GPR158: variants seen among roughly 807,000 people sequenced by gnomAD.
GPR158 encodes G protein-coupled receptor 158, also known as metabotropic glycine receptor.
A neutral mutation model predicts 78.2 loss-of-function variants in GPR158; 30 were observed. The observed-to-expected ratio is 0.38, with a 90% CI of 0.29 to 0.52. GPR158 has a LOEUF of 0.52. Ranked by LOEUF, GPR158 falls within the 20% of genes least tolerant of loss-of-function variation. GPR158 has a pLI of 0.83. For synonymous variants in GPR158, 581 were observed against 591.1 expected (o/e 0.98, Z 0.25); for missense variants, 1,463 against 1,523.5 (o/e 0.96, Z 0.66).
chr10:25,509,857 G>A (rs1445219009), intron 5 of GPR158, among the ~76,000 whole-genome samples: 3 of 152,178 alleles, frequency 2.0e-5, no homozygotes, highest in Non-Finnish European at 2.9e-5. Flanking sequence ...GGGACTATAA[G>A]TGTGTGCCAC....
At chr10:25,566,533 T>C (rs550573238) in intron 6 of GPR158, among the ~76,000 whole-genome samples, 1 of 152,258 alleles carries the variant, frequency 6.6e-6, no homozygotes, top group African/African-American at 2.4e-5. Context: ...TTATTCCGTC[T>C]ACCTTCAATT....
At chr10:25,401,589 A>G (rs1834446787) in intron 3 of GPR158, among the ~76,000 whole-genome samples, 1 of 152,078 alleles carries the variant, frequency 6.6e-6, no homozygotes, top group African/African-American at 2.4e-5. Context: ...AATTTATTAG[A>G]CTTTTCCTCT....
chr10:25,197,993 C>T (rs1203717502), intron 1 of GPR158, among the ~76,000 whole-genome samples: 1 of 152,020 alleles, frequency 6.6e-6, no homozygotes, highest in Non-Finnish European at 1.5e-5. Context: ...GAAGGAAAAC[C>T]ACAAAAATGA....
At chr10:25,187,235 G>T (rs1852701712) in intron 1 of GPR158, among the ~76,000 whole-genome samples, 1 of 151,166 alleles carries the variant, frequency 6.6e-6, no homozygotes, top group African/African-American at 2.4e-5. Flanking sequence ...AAAGTGCTGG[G>T]ATTACAGGCG....
At chr10:25,470,747 G>T (rs1835488548) in intron 5 of GPR158, among the ~76,000 whole-genome samples, 1 of 152,164 alleles carries the variant, frequency 6.6e-6, no homozygotes, top group Non-Finnish European at 1.5e-5. Flanking sequence ...CCCTAGGGCA[G>T]ATATTTAACC....
intron 6 of GPR158, among the ~76,000 whole-genome samples, chr10:25,564,744 T>C (rs375624594): frequency 9.2e-5 from 14 of 152,332 alleles, no homozygotes; most frequent in African/African-American, 3.1e-4. Flanking sequence ...ATAGCTTTTT[T>C]ACTCAGATTC....
intron 2 of GPR158, among the ~76,000 whole-genome samples, chr10:25,373,591 GT>G (rs1314438870): frequency 6.6e-6 from 1 of 151,720 alleles, no homozygotes; most frequent in Non-Finnish European, 1.5e-5. Flanking sequence ...ACAGATTTAG[GT>G]GCACTCAACA....
chr10:25,514,768 A>T (rs1170777769), intron 5 of GPR158, among the ~76,000 whole-genome samples: 1 of 152,096 alleles, frequency 6.6e-6, no homozygotes, highest in Non-Finnish European at 1.5e-5. Flanking sequence ...TCCTTCATTT[A>T]TGAAGCTTTG....
chr10:25,450,325 T>G (rs1487702010), intron 4 of GPR158, among the ~76,000 whole-genome samples: 1 of 150,698 alleles, frequency 6.6e-6, no homozygotes. Flanking sequence ...GGCTGTTCTG[T>G]GCTGAAGATG....
intron 2 of GPR158, among the ~76,000 whole-genome samples, chr10:25,292,321 A>T (rs1465604595): frequency 6.6e-6 from 1 of 152,118 alleles, no homozygotes; most frequent in African/African-American, 2.4e-5. Context: ...AAACATTTAG[A>T]TTAATATTTC....
intron 5 of GPR158, among the ~76,000 whole-genome samples, chr10:25,473,194 C>G (rs1835533985): frequency 6.7e-6 from 1 of 148,206 alleles, no homozygotes; most frequent in South Asian, 2.1e-4. Flanking sequence ...AAGGCCTTTT[C>G]TGCATCTATT....
intron 2 of GPR158, among the ~76,000 whole-genome samples, chr10:25,295,974 G>A (rs1045740826): frequency 1.3e-5 from 2 of 151,208 alleles, no homozygotes; most frequent in African/African-American, 2.4e-5. Context: ...GATTTCCATA[G>A]GTATTCTTGT....
intron 2 of GPR158, among the ~76,000 whole-genome samples, chr10:25,281,785 A>G (rs1471317931): frequency 6.6e-6 from 1 of 152,152 alleles, no homozygotes; most frequent in African/African-American, 2.4e-5. Context: ...AATTAGTGAA[A>G]TAGAAGACAT....
At chr10:25,571,112 AGTGTTAGCG>A (rs1837000629) in intron 6 of GPR158, among the ~76,000 whole-genome samples, 1 of 151,950 alleles carries the variant, frequency 6.6e-6, no homozygotes, top group African/African-American at 2.4e-5. Context: ...AGCGTTCGCC[AGTGTTAGCG>A]TTCACTATGA....
chr10:25,213,800 C>A (rs531180135), intron 1 of GPR158, among the ~76,000 whole-genome samples: 2 of 152,180 alleles, frequency 1.3e-5, no homozygotes, highest in Non-Finnish European at 2.9e-5. Context: ...CCATTTGGGG[C>A]AAACTGGCAT....
chr10:25,579,196 G>A (rs1242996340), intron 7 of GPR158, among the ~76,000 whole-genome samples: 1 of 151,080 alleles, frequency 6.6e-6, no homozygotes, highest in Admixed American at 6.6e-5. Flanking sequence ...TGGTAAATTG[G>A]CAGTCAATTG....
At chr10:25,183,300 C>T (rs1459174862) in intron 1 of GPR158, among the ~76,000 whole-genome samples, 1 of 152,116 alleles carries the variant, frequency 6.6e-6, no homozygotes, top group Non-Finnish European at 1.5e-5. Context: ...TCCACACCCT[C>T]CTCTTTCCTA....
At chr10:25,431,379 G>A (rs1484699281) in intron 4 of GPR158, among the ~76,000 whole-genome samples, 1 of 148,390 alleles carries the variant, frequency 6.7e-6, no homozygotes, top group Non-Finnish European at 1.5e-5. Context: ...GAGAGGATGT[G>A]GAGAAATAGG....
chr10:25,338,564 G>A (rs79860761), intron 2 of GPR158, among the ~76,000 whole-genome samples: 15 of 130,526 alleles, frequency 1.1e-4, no homozygotes, highest in East Asian at 2.1e-4. Context: ...AATACGTATT[G>A]TATATTATTA....
Sources: gnomAD v4.1 joint callset for allele counts (sites outside exome capture counted in the v4.1 genomes callset) on GRCh38, gnomAD v4.1.1 for gene constraint, MANE v1.5 for transcripts, NCBI Gene and HGNC (gene_info 2026-07-23, HGNC 2026-07-21) for gene names.